Variants in SLC36A2 observed in about 807,000 individuals in gnomAD.
SLC36A2 encodes the protein proton-coupled amino acid transporter 2.
A neutral mutation model predicts 42.7 loss-of-function variants in SLC36A2; 39 were observed. The observed-to-expected ratio is 0.91, with a 90% confidence interval of 0.71 to 1.19. The LOEUF (loss-of-function observed/expected upper bound fraction) is 1.19. SLC36A2 is among the 50% of genes most tolerant of loss of function. SLC36A2 has a pLI of 0.00. For missense variants in SLC36A2, 590 were observed against 613.7 expected (o/e 0.96, Z 0.41); for synonymous variants, 237 against 240.8 (o/e 0.98, Z 0.15).
In SLC36A2 at chr5:151,347,484, C is replaced by A; in HGVS notation, c.-24G>T. The A allele has an allele frequency of 1.9e-6, 3 of 1,612,746 alleles. No homozygotes were observed. The highest frequency in any genetic ancestry group is 1.7e-6 in the Non-Finnish European group (2 of 1,179,884). On this transcript the variant is annotated 5_prime_UTR_variant, in exon 1 of 10. Coordinates refer to ENST00000335244, the MANE Select transcript of SLC36A2 (RefSeq NM_181776.3). ...ATGACTGCTTAAGAAACAAGGAGCT[C>A]GGGGTGACAAAGAGGTCTGCTCTGG...
At position 151,333,137 on chromosome 5, in the gene SLC36A2, G is replaced by C. The variant is rs754243047; in HGVS notation, c.843+87C>G. ...TAGCAGGCCCAAAACAATGGCCAGC[G>C]GGACACAGAAACCCAGAGCTCACAG... On this transcript the variant is annotated intron_variant, in intron 7 of 9. Coordinates refer to ENST00000335244, the MANE Select transcript of SLC36A2 (RefSeq NM_181776.3). 3 of 1,223,346 alleles carry C rather than the reference G, an allele frequency of 2.5e-6. No homozygotes were observed. The African/African-American group carries it at 4.5e-5, about 18-fold the overall frequency. 75.8% of individuals were successfully genotyped at this position (1,223,346 alleles called of 1,614,324 possible).
At chr5:151,326,352 A>G (rs957686432) in intron 7 of SLC36A2, among the ~76,000 whole-genome samples, 2 of 152,012 alleles carry the variant, frequency 1.3e-5, no homozygotes, top group Non-Finnish European at 2.9e-5. Flanking sequence ...CCTGCCTTCC[A>G]AAGGCATTTG....
chr5:151,328,906 T>A (rs1755921019), intron 7 of SLC36A2, among the ~76,000 whole-genome samples: 2 of 152,350 alleles, frequency 1.3e-5, no homozygotes, highest in African/African-American at 4.8e-5. Context: ...TTTTTCTTTC[T>A]CTTTTCACTC....
intron 1 of SLC36A2, among the ~76,000 whole-genome samples, chr5:151,345,027 A>G (rs1435842909): frequency 1.3e-5 from 2 of 152,170 alleles, no homozygotes; most frequent in Non-Finnish European, 2.9e-5. Flanking sequence ...CCTCCCCCAA[A>G]CAAAAACTCA....
intron 7 of SLC36A2, among the ~76,000 whole-genome samples, chr5:151,328,595 AT>A (rs146837300): frequency 0.038 from 5,855 of 152,292 alleles, 146 homozygotes; most frequent in African/African-American, 0.045. Context: ...ACTAAGCAGC[AT>A]TCTGGTGTAT....
intron 6 of SLC36A2, among the ~76,000 whole-genome samples, chr5:151,333,896 AC>A (rs774004754): frequency 2.6e-5 from 4 of 152,100 alleles, no homozygotes; most frequent in Non-Finnish European, 5.9e-5. Flanking sequence ...ATTAGCACTG[AC>A]CCAACGAGCC....
intron 7 of SLC36A2, among the ~76,000 whole-genome samples, chr5:151,328,794 G>C (rs933336999): frequency 6.6e-6 from 1 of 152,212 alleles, no homozygotes; most frequent in Non-Finnish European, 1.5e-5. Flanking sequence ...GGTTCCAGCA[G>C]AGTGTTAAAC....
chr5:151,318,570 AT>A (rs1652086315), intron 9 of SLC36A2, among the ~76,000 whole-genome samples: 1 of 145,176 alleles, frequency 6.9e-6, no homozygotes, highest in Non-Finnish European at 1.5e-5. Flanking sequence ...ATTTTTATAT[AT>A]AATAAATATT....
chr5:151,335,282 A>G, intron 6 of SLC36A2, 47 bp downstream of exon 6: 1 of 1,491,982 alleles, frequency 6.7e-7, no homozygotes, highest in Non-Finnish European at 9.2e-7. Flanking sequence ...ATCCTTGATA[A>G]AAAAACCCTG....
chr5:151,337,466 C>T (rs1169763441), intron 5 of SLC36A2, among the ~76,000 whole-genome samples: 2 of 152,232 alleles, frequency 1.3e-5, no homozygotes, highest in African/African-American at 2.4e-5. Flanking sequence ...TTTTAGAACA[C>T]ACTCTACTTG....
chr5:151,327,919 C>T (rs897682454), intron 7 of SLC36A2, among the ~76,000 whole-genome samples: 1 of 152,196 alleles, frequency 6.6e-6, no homozygotes, highest in African/African-American at 2.4e-5. Flanking sequence ...CTGGGGCTCT[C>T]CCTCTTCTGT....
At chr5:151,325,564 G>T in intron 7 of SLC36A2, 112 bp from the exon 8 acceptor site, 1 of 1,132,476 alleles carries the variant, frequency 8.8e-7, no homozygotes, top group Non-Finnish European at 1.3e-6. Flanking sequence ...GCCTCAAAGA[G>T]ATATTTGTAC....
chr5:151,345,060 C>T (rs1298153873), intron 1 of SLC36A2, among the ~76,000 whole-genome samples: 5 of 152,106 alleles, frequency 3.3e-5, no homozygotes, highest in South Asian at 2.1e-4. Context: ...AAGACAAATG[C>T]GAAGGTTTGC....
In SLC36A2 at chr5:151,317,062, G is replaced by GGC; in HGVS notation, c.1205_1206dup (p.Leu403AlafsTer12). ...CCCACCAGGGAGATGACCAGGTCCA[G>GGC]GCGGGGGATGAGGATGGCCAGGAGG... is the stretch of plus-strand genomic sequence containing the variant. On this transcript the variant is annotated frameshift_variant, in exon 10 of 10. Transcript: ENST00000335244. LOFTEE classifies it high-confidence loss of function. The GGC allele has an allele frequency of 2.5e-6, 4 of 1,614,174 alleles. No homozygotes were observed.
intron 9 of SLC36A2, among the ~76,000 whole-genome samples, chr5:151,317,808 G>T (rs1031042196): frequency 6.6e-6 from 1 of 152,136 alleles, no homozygotes; most frequent in Non-Finnish European, 1.5e-5. Context: ...TACCAACTTA[G>T]GGTCAGTGGT....
intron 4 of SLC36A2, among the ~76,000 whole-genome samples, chr5:151,340,056 A>G (rs186127781): frequency 2.0e-5 from 3 of 151,814 alleles, no homozygotes; most frequent in African/African-American, 4.8e-5. Flanking sequence ...GGGAGGGACA[A>G]AGAGAGAGAG....
Position 151,339,078 on chromosome 5 carries a change from C to T in SLC36A2, c.507G>A (p.Leu169=), listed in dbSNP as rs749414442. Residue 169 remains leucine (L), a synonymous_variant, in exon 5 of 10, where the codon TTG becomes TTA. Transcript: ENST00000335244. The part of the protein sequence containing the change: ...LGFCCVYIVF[L]ADNLKQVVEA... Reference sequence around the variant, plus strand: ...CCTCTACCTGTTTTAAATTATCAGCCAAAAACACAATGTACACACAGCAGA... The same window carrying T: ...CCTCTACCTGTTTTAAATTATCAGCTAAAAACACAATGTACACACAGCAGA... The T allele has an allele frequency of 1.9e-6, 3 of 1,610,128 alleles. No individual in the cohort carries two copies. The East Asian group carries it at 6.7e-5, about 36-fold the overall frequency.
chr5:151,324,306 C>CTTTAT (rs368243458), intron 8 of SLC36A2, among the ~76,000 whole-genome samples: 5 of 140,916 alleles, frequency 3.5e-5, no homozygotes, highest in South Asian at 2.5e-4. Flanking sequence ...CCATGCCTGG[C>CTTTAT]TTATTTATTT....
rs1238810548 is a variant in SLC36A2 at position 151,347,374 on chromosome 5, C to T, written c.87G>A (p.Lys29=). ...AGAATGTAGAGTCCTTGTTCTCCAACTTCTTGGCACTTTCAGGAGGCGACA... is the reference window on the plus strand; with the variant it reads ...AGAATGTAGAGTCCTTGTTCTCCAATTTCTTGGCACTTTCAGGAGGCGACA... ...DLMSPPESAK[K]LENKDSTFLD... The change falls in exon 1 of 10, where the codon AAG becomes AAA. Residue 29 remains lysine, a synonymous_variant. Transcript: ENST00000335244. 6.2e-7 allele frequency: 1 copy of T among 1,614,148 alleles called. No individual in the cohort carries two copies. Among genetic ancestry groups the T allele is most frequent in the Non-Finnish European group, 8.5e-7 (1 of 1,180,054 alleles).
Sources: gnomAD v4.1 joint callset for allele counts (sites outside exome capture counted in the v4.1 genomes callset) on GRCh38, gnomAD v4.1.1 for gene constraint, MANE v1.5 for transcripts, NCBI Gene and HGNC (gene_info 2026-07-23, HGNC 2026-07-21) for gene names.